The following BCR variants were observed in gnomAD, a reference collection of about 807,000 sequenced individuals.
BCR encodes the protein breakpoint cluster region protein.
Under a neutral mutation model 138.6 loss-of-function variants are expected in BCR, and 58 were observed. That is an observed-to-expected ratio of 0.42 (90% CI 0.34 to 0.52). The LOEUF is 0.52. Ranked by LOEUF, BCR falls within the 20% of genes least tolerant of loss-of-function variation. The pLI is 0.06. For missense variants in BCR, 1,599 were observed against 1,727.2 expected (o/e 0.93, Z 1.32); for synonymous variants, 786 against 730.1 (o/e 1.08, Z -1.23).
At chr22:23,195,918 A>G (rs2072475292) in intron 1 of BCR, among the ~76,000 whole-genome samples, 2 of 152,142 alleles carry the variant, frequency 1.3e-5, no homozygotes, top group South Asian at 4.1e-4. Flanking sequence ...ATAAATAAAT[A>G]CCACTGCTTT....
chr22:23,272,844 C>G (rs931527278), intron 6 of BCR, among the ~76,000 whole-genome samples: 8 of 152,194 alleles, frequency 5.3e-5, no homozygotes, highest in Admixed American at 2.6e-4. Flanking sequence ...TGCCACCGAG[C>G]CAGCCATGCA....
intron 3 of BCR, 88 bp downstream of exon 3, chr22:23,261,142 C>T: frequency 7.3e-7 from 1 of 1,366,152 alleles, no homozygotes; most frequent in Non-Finnish European, 1.0e-6. Context: ...CCCAGGTCAG[C>T]TGTCAGAGCC....
At chr22:23,214,115 T>TCACATTTTATTGTTGTTATC (rs2072720798) in intron 1 of BCR, among the ~76,000 whole-genome samples, 1 of 152,040 alleles carries the variant, frequency 6.6e-6, no homozygotes. Flanking sequence ...CATTTGTTAT[T>TCACATTTTATTGTTGTTATC]CTCATTTTAT....
At chr22:23,246,873 C>T (rs982476614) in intron 1 of BCR, among the ~76,000 whole-genome samples, 5 of 151,888 alleles carry the variant, frequency 3.3e-5, no homozygotes, top group African/African-American at 7.3e-5. Flanking sequence ...GGTTCTGCTA[C>T]GATAGCCAGC....
At chr22:23,287,318 C>T in intron 11 of BCR, 40 bp downstream of exon 11, 17 of 1,491,356 alleles carry the variant, frequency 1.1e-5, no homozygotes, top group Non-Finnish European at 1.3e-5. Flanking sequence ...CTCTCCTGGC[C>T]TGGGATGGGC....
intron 1 of BCR, among the ~76,000 whole-genome samples, chr22:23,209,620 T>A (rs1335901128): frequency 1.3e-5 from 2 of 151,778 alleles, no homozygotes; most frequent in East Asian, 3.9e-4. Flanking sequence ...CTCGGCTCAC[T>A]GCAACCTCCC....
rs752943313 is a variant in BCR, at chr22:23,273,532, C to T, written c.1975-102C>T. 213 of 1,499,446 alleles carry T rather than the reference C, an allele frequency of 1.4e-4. 1 individual carries two copies. The highest frequency in any genetic ancestry group is 1.8e-4 in the Non-Finnish European group (197 of 1,098,214). The allele number at this position is 1,499,446 out of a possible 1,614,324, so 92.9% of individuals were successfully genotyped here. A position where few individuals can be genotyped will look rare whatever the true frequency, so the allele number is the denominator to read the frequency against. ...GAGACTGTGGTGACACTGAGGGAGCCGGCGCTCTGGGCTCCGTCCACACTT... is the reference window on the plus strand; with the variant it reads ...GAGACTGTGGTGACACTGAGGGAGCTGGCGCTCTGGGCTCCGTCCACACTT... On this transcript the variant is annotated intron_variant, in intron 7 of 22. Coordinates refer to ENST00000305877, the MANE Select transcript of BCR (RefSeq NM_004327.4).
intron 1 of BCR, among the ~76,000 whole-genome samples, chr22:23,237,551 T>C (rs2073040757): frequency 6.6e-6 from 1 of 152,250 alleles, no homozygotes. Context: ...CCGGCTGGTT[T>C]TCTGGCTCGT....
intron 15 of BCR, among the ~76,000 whole-genome samples, chr22:23,294,002 G>C (rs2073818494): frequency 6.6e-6 from 1 of 152,222 alleles, no homozygotes; most frequent in Non-Finnish European, 1.5e-5. Context: ...AGCTCGGGGA[G>C]CAGTTTTTCC....
chr22:23,216,316 C>A (rs182854657), intron 1 of BCR, among the ~76,000 whole-genome samples: 1 of 152,218 alleles, frequency 6.6e-6, no homozygotes, highest in African/African-American at 2.4e-5. Context: ...TAACCTCAGA[C>A]GCAGTAATTC....
intron 1 of BCR, among the ~76,000 whole-genome samples, chr22:23,225,551 A>G (rs1316428468): frequency 6.6e-6 from 1 of 152,176 alleles, no homozygotes; most frequent in East Asian, 1.9e-4. Context: ...GGACACGGGT[A>G]TGGGGGAAAT....
intron 1 of BCR, 100 bp from the exon 2 acceptor site, chr22:23,253,699 T>C: frequency 7.1e-7 from 1 of 1,414,264 alleles, no homozygotes; most frequent in Non-Finnish European, 9.7e-7. Flanking sequence ...AGATGCCTGT[T>C]GGGGACAGAG....
intron 1 of BCR, among the ~76,000 whole-genome samples, chr22:23,242,419 G>GCA: frequency 6.6e-6 from 1 of 152,326 alleles, no homozygotes; most frequent in South Asian, 2.1e-4. Context: ...GGCTTGCTGA[G>GCA]TATAGCAAGA....
chr22:23,315,409 C>T (rs780056073), intron 22 of BCR, 24 bp from the exon 23 acceptor site: 4 of 1,611,644 alleles, frequency 2.5e-6, no homozygotes, highest in Non-Finnish European at 3.4e-6. Context: ...AGCCACTCTT[C>T]TCTTCCCTAC....
chr22:23,289,640 G>A lies in BCR; in HGVS notation c.2707+19G>A, dbSNP rs760214922. The A allele has an allele frequency of 8.0e-6, 12 of 1,507,972 alleles. No individual in the cohort carries two copies. The highest frequency in any genetic ancestry group is 2.8e-5 in the African/African-American group (2 of 70,694). The allele number at this position is 1,507,972 out of a possible 1,614,324, so 93.4% of individuals were successfully genotyped here. ...AAGGAAGGTGGGCCCCCCCGTTTCC[G>A]TGTACAGGGCACCTGCAGGGAGGGC... is the stretch of plus-strand genomic sequence containing the variant. On this transcript the variant is annotated intron_variant, in intron 13 of 22. Transcript: ENST00000305877.
chr22:23,198,252 C>G (rs772631694), intron 1 of BCR: 3 of 444,146 alleles, frequency 6.8e-6, no homozygotes, highest in Non-Finnish European at 1.3e-5. Context: ...GATTAGGGTC[C>G]GAGTGCTCCC....
At chr22:23,216,129 G>A (rs543609464) in intron 1 of BCR, among the ~76,000 whole-genome samples, 1 of 152,256 alleles carries the variant, frequency 6.6e-6, no homozygotes, top group East Asian at 1.9e-4. Flanking sequence ...CAGTCTGAGT[G>A]GCTCTGATAA....
At chr22:23,247,637 G>A (rs550137063) in intron 1 of BCR, among the ~76,000 whole-genome samples, 42 of 152,136 alleles carry the variant, frequency 2.8e-4, no homozygotes, top group Admixed American at 9.8e-4. Flanking sequence ...GGAGGATCTG[G>A]GGTCTCTCTA....
Position 23,180,588 on chromosome 22 carries a change from C to CGGCGGG in BCR, c.-370_-369insGGGGGC. The CGGCGGG allele has an allele frequency of 2.8e-5, 1 of 35,212 alleles. No individual in the cohort carries two copies. The highest frequency in any genetic ancestry group is 1.3e-3 in the Admixed American group (1 of 746). The allele number at this position is 35,212 out of a possible 1,614,324, so 2.2% of individuals were successfully genotyped here. ...TCCGAGGAGGCGGCGGCGGCGGCGG[C>CGGCGGG]GGCACGGCGGCGGCGGGGCTGTGGG... On this transcript the variant is annotated 5_prime_UTR_variant, in exon 1 of 23. Coordinates refer to ENST00000305877, the MANE Select transcript of BCR (RefSeq NM_004327.4).
Sources: allele counts gnomAD v4.1 joint callset (sites outside exome capture counted in the v4.1 genomes callset), GRCh38; gene constraint gnomAD v4.1.1; transcripts MANE v1.5; gene names NCBI Gene and HGNC (gene_info 2026-07-23, HGNC 2026-07-21).